Variants in TRIM71 observed in about 807,000 individuals in gnomAD.
TRIM71 encodes tripartite motif containing 71.
A neutral mutation model predicts 61.2 loss-of-function variants in TRIM71; 9 were observed. That is an observed-to-expected ratio of 0.15 (90% CI 0.09 to 0.26). The LOEUF (loss-of-function observed/expected upper bound fraction) is 0.26. TRIM71 is among the 10% of genes least tolerant of loss of function. The pLI is 1.00. For missense variants in TRIM71, 998 were observed against 1,238.7 expected (o/e 0.81, Z 2.92); for synonymous variants, 645 against 553.2 (o/e 1.17, Z -2.33).
intron 2 of TRIM71, among the ~76,000 whole-genome samples, chr3:32,874,909 C>CTCTCAGGT (rs1696839128): frequency 6.6e-6 from 1 of 152,116 alleles, no homozygotes; most frequent in Non-Finnish European, 1.5e-5. Flanking sequence ...CAACCTCCGC[C>CTCTCAGGT]TCTCAGGTTC....
rs554107648 is a variant in TRIM71 at position 32,832,886 on chromosome 3, T to C, written c.852+13954T>C. 1.2e-3 allele frequency among the ~76,000 whole-genome samples: 179 copies of C among 152,092 alleles called. 3 individuals are homozygous for C. The highest frequency in any genetic ancestry group is 6.0e-4 in the Non-Finnish European group (41 of 67,972). On this transcript the variant is annotated intron_variant, in intron 1 of 3. Transcript: ENST00000383763. ...AATTAATAGGTAATATAAAGAATTA[T>C]TGACTGGGCTGGGCGCGGTGGCTCA...
Position 32,818,565 on chromosome 3 carries a change from C to T in TRIM71, c.485C>T (p.Ala162Val), listed in dbSNP as rs961347389. The part of the protein sequence containing the change: ...HAHHAHPRAS[A>V]SAPPLPQAPQ... ...CACCACGCGCACCCGCGCGCGTCCGCCTCCGCGCCGCCACTCCCGCAGGCG... is the reference window on the plus strand; with the variant it reads ...CACCACGCGCACCCGCGCGCGTCCGTCTCCGCGCCGCCACTCCCGCAGGCG... Residue 162 changes from alanine (A) to valine (V), a missense_variant, in exon 1 of 4, where the codon GCC becomes GTC. Physicochemically the swap from Ala to Val is moderately conservative, Grantham distance 64. Transcript: ENST00000383763. 6.9e-5 allele frequency: 88 copies of T among 1,267,838 alleles called. No homozygotes were observed. The highest frequency in any genetic ancestry group is 8.6e-5 in the Admixed American group (2 of 23,380). The allele number at this position is 1,267,838 out of a possible 1,614,324, so 78.5% of individuals were successfully genotyped here.
chr3:32,823,901 GTC>G (rs1696169426), intron 1 of TRIM71, among the ~76,000 whole-genome samples: 1 of 152,112 alleles, frequency 6.6e-6, no homozygotes. Context: ...GTGAAACCCT[GTC>G]TCTACTAAAA....
At chr3:32,831,596 T>C (rs1255964566) in intron 1 of TRIM71, among the ~76,000 whole-genome samples, 2 of 142,054 alleles carry the variant, frequency 1.4e-5, no homozygotes, top group Non-Finnish European at 3.0e-5. Flanking sequence ...TGGAGTACAA[T>C]GGCGCGATCT....
chr3:32,888,290 T>C (rs1357717925), intron 3 of TRIM71, among the ~76,000 whole-genome samples: 4 of 152,050 alleles, frequency 2.6e-5, no homozygotes, highest in African/African-American at 7.2e-5. Flanking sequence ...AAAACCATTC[T>C]TAAAATACAG....
At position 32,818,377 on chromosome 3, in the gene TRIM71, G is replaced by T. The variant is rs1367543168; in HGVS notation, c.297G>T (p.Val99=). Residue 99 remains valine, a synonymous_variant, in exon 1 of 4, where the codon GTG becomes GTT. Coordinates refer to ENST00000383763, the MANE Select transcript of TRIM71 (RefSeq NM_001039111.3). ...GCCCCGTGTGCGACCAGAAAGTAGT[G>T]CTAGCCGAGGCGGCGGGTATGGACG... ...LRCPVCDQKV[V]LAEAAGMDAL... The T allele has an allele frequency of 6.1e-6, 9 of 1,478,500 alleles. No individual in the cohort carries two copies. The African/African-American group carries it at 1.3e-4, about 22-fold the overall frequency. The allele number at this position is 1,478,500 out of a possible 1,614,324, so 91.6% of individuals were successfully genotyped here.
intron 1 of TRIM71, among the ~76,000 whole-genome samples, chr3:32,830,049 G>A (rs945919922): frequency 1.3e-5 from 2 of 150,114 alleles, no homozygotes; most frequent in East Asian, 2.0e-4. Context: ...CTGCCTCCCC[G>A]GGTATATGGG....
At chr3:32,850,159 T>C (rs1696522151) in intron 1 of TRIM71, among the ~76,000 whole-genome samples, 1 of 152,224 alleles carries the variant, frequency 6.6e-6, no homozygotes, top group Non-Finnish European at 1.5e-5. Context: ...AGAAAGGTGT[T>C]GAGGCATCTG....
Position 32,839,957 on chromosome 3 carries a change from A to G in TRIM71, c.852+21025A>G, listed in dbSNP as rs149529955. Among the ~76,000 whole-genome samples, 149 of 152,308 alleles carry G rather than the reference A, an allele frequency of 9.8e-4. 1 individual carries two copies. The highest frequency in any genetic ancestry group is 3.4e-3 in the Middle Eastern group (1 of 294). Reference sequence around the variant, plus strand: ...TCTACTGGCGATTAGAACTGTATCTACAAAGCAAATGTTCAACTAATGTTT... The same window carrying G: ...TCTACTGGCGATTAGAACTGTATCTGCAAAGCAAATGTTCAACTAATGTTT... On this transcript the variant is annotated intron_variant, in intron 1 of 3. Transcript: ENST00000383763.
At chr3:32,849,606 G>A (rs559219943) in intron 1 of TRIM71, among the ~76,000 whole-genome samples, 89 of 151,882 alleles carry the variant, frequency 5.9e-4, no homozygotes, top group Admixed American at 1.1e-3. Flanking sequence ...TGATCCACCC[G>A]CCTCAGCCTC....
At chr3:32,852,248 T>C (rs933320757) in intron 1 of TRIM71, among the ~76,000 whole-genome samples, 6 of 151,998 alleles carry the variant, frequency 3.9e-5, no homozygotes, top group Admixed American at 6.6e-5. Flanking sequence ...AGGCACATCC[T>C]GGAGAAGGAC....
rs781111337 is a variant in TRIM71, at chr3:32,891,849, C to T, written c.*38C>T. On this transcript the variant is annotated 3_prime_UTR_variant, in exon 4 of 4. Coordinates refer to ENST00000383763, the MANE Select transcript of TRIM71 (RefSeq NM_001039111.3). This position sits in a 1 kb window ranked among gnomAD's most constrained non-coding sequence, Gnocchi z 8.2. ...GGTTTCTGTGTTTGGGGTGTGTGTG[C>T]GTGTCTCTCTCTCTCTCTCTCTCTT... The T allele has an allele frequency of 1.9e-5, 29 of 1,563,686 alleles. No homozygotes were observed. The Admixed American group carries it at 4.4e-4, about 24-fold the overall frequency.
At position 32,891,260 on chromosome 3, in the gene TRIM71, T is replaced by C. The variant is rs1697021442; in HGVS notation, c.2056T>C (p.Phe686Leu). The C allele has an allele frequency of 6.2e-7, 1 of 1,613,634 alleles. No homozygotes were observed. The highest frequency in any genetic ancestry group is 2.2e-5 in the East Asian group (1 of 44,874). Residue 686 changes from phenylalanine (F) to leucine (L), a missense_variant, in exon 4 of 4, where the codon TTC (phenylalanine) becomes CTC (leucine). Physicochemically the swap from Phe to Leu is conservative, Grantham distance 22 (BLOSUM62 0). This residue lies in a region of TRIM71 where 83 missense variants were observed against 202.7 expected (regional missense o/e 0.41). Transcript: ENST00000383763. This position sits in a 1 kb window ranked among gnomAD's most constrained non-coding sequence, Gnocchi z 8.2. The part of the protein sequence containing the change: ...RIQIFTFEGQ[F>L]LLKFGEKGTK... ...CCAGATCTTCACGTTCGAGGGCCAG[T>C]TCCTCCTCAAGTTTGGTGAGAAAGG...
Position 32,841,364 on chromosome 3 carries a change from G to T in TRIM71, c.852+22432G>T, listed in dbSNP as rs533048978. 2.4e-3 allele frequency among the ~76,000 whole-genome samples: 361 copies of T among 151,722 alleles called. 1 individual carries two copies. Among genetic ancestry groups the T allele is most frequent in the African/African-American group, 8.2e-3 (339 of 41,372 alleles). On this transcript the variant is annotated intron_variant, in intron 1 of 3. Coordinates refer to ENST00000383763, the MANE Select transcript of TRIM71 (RefSeq NM_001039111.3). ...ATTGTTTTGGGAGATGTTACCATTA[G>T]GAGAAACTGCGTAAAGAATACTAGG...
At chr3:32,882,893 A>G (rs986263596) in intron 2 of TRIM71, among the ~76,000 whole-genome samples, 2 of 152,162 alleles carry the variant, frequency 1.3e-5, no homozygotes, top group Admixed American at 6.5e-5. Context: ...GTTGGTTTCA[A>G]TTTCAGATCT....
intron 1 of TRIM71, among the ~76,000 whole-genome samples, chr3:32,872,326 A>G (rs565421781): frequency 1.3e-4 from 20 of 152,230 alleles, no homozygotes; most frequent in African/African-American, 3.6e-4. Context: ...TATTAACTCA[A>G]TTAGCCCCGA....
Position 32,895,246 on chromosome 3 carries a change from C to CT in TRIM71, c.*3436dup, listed in dbSNP as rs1403122777. On this transcript the variant is annotated 3_prime_UTR_variant, in exon 4 of 4. Transcript: ENST00000383763. Reference sequence around the variant, plus strand: ...TGACCTGGGTTGTACCCCAAGTGCACTAACTCCTCAATGCCCTTTTAAGTC... The same window carrying CT: ...TGACCTGGGTTGTACCCCAAGTGCACTTAACTCCTCAATGCCCTTTTAAGTC... 2 of 152,222 alleles carry CT rather than the reference C, an allele frequency of 1.3e-5. No homozygotes were observed. Among genetic ancestry groups the CT allele is most frequent in the African/African-American group, 4.8e-5 (2 of 41,454 alleles). 9.4% of individuals were successfully genotyped at this position (152,222 alleles called of 1,614,324 possible).
chr3:32,821,093 C>T (rs1368633607), intron 1 of TRIM71, among the ~76,000 whole-genome samples: 1 of 152,184 alleles, frequency 6.6e-6, no homozygotes, highest in Non-Finnish European at 1.5e-5. Flanking sequence ...AACGGTTCCA[C>T]CTACAGCTTA....
intron 1 of TRIM71, among the ~76,000 whole-genome samples, chr3:32,832,804 G>A (rs535703973): frequency 3.7e-4 from 56 of 152,262 alleles, no homozygotes; most frequent in African/African-American, 1.3e-3. Flanking sequence ...TTCCTAGGGG[G>A]TGGACGATTG....
Sources: gnomAD v4.1 joint callset for allele counts (sites outside exome capture counted in the v4.1 genomes callset) on GRCh38, gnomAD v4.1.1 for gene constraint, gnomAD v4.1.1 regional missense constraint, Gnocchi (gnomAD v3.1) non-coding constraint, MANE v1.5 for transcripts, NCBI Gene and HGNC (gene_info 2026-07-23, HGNC 2026-07-21) for gene names.